Variants in WRNIP1 observed in about 807,000 individuals in gnomAD.
WRNIP1 encodes the protein ATPase WRNIP1.
Under a neutral mutation model 56.1 loss-of-function variants are expected in WRNIP1, and 41 were observed. The observed-to-expected ratio is 0.73, with a 90% CI of 0.57 to 0.95. WRNIP1 has a LOEUF of 0.95. Ranked by LOEUF, WRNIP1 falls within the 40% of genes least tolerant of loss-of-function variation. WRNIP1 has a pLI of 0.00. For missense variants in WRNIP1, 1,170 were observed against 939.4 expected (o/e 1.25, Z -3.21); for synonymous variants, 547 against 398.1 (o/e 1.37, Z -4.45).
At position 2,786,820 on chromosome 6, in the gene WRNIP1, A is replaced by T. The variant is rs1765726169; in HGVS notation, c.*1538A>T. On this transcript the variant is annotated 3_prime_UTR_variant, in exon 7 of 7. Coordinates refer to ENST00000380773, the MANE Select transcript of WRNIP1 (RefSeq NM_020135.3). Reference sequence around the variant, plus strand: ...TCTGTCTTTGCTCCCCGTGTTTTAAAAGTCTGCACTGGGTACTTGTTGGGC... The same window carrying T: ...TCTGTCTTTGCTCCCCGTGTTTTAATAGTCTGCACTGGGTACTTGTTGGGC... 6.6e-6 allele frequency: 1 copy of T among 152,186 alleles called. No individual in the cohort carries two copies. The highest frequency in any genetic ancestry group is 2.1e-4 in the South Asian group (1 of 4,828). The allele number at this position is 152,186 out of a possible 1,614,324, so 9.4% of individuals were successfully genotyped here.
chr6:2,784,511 C>T (rs577623080), intron 6 of WRNIP1, 108 bp downstream of exon 6: 266 of 1,120,756 alleles, frequency 2.4e-4, no homozygotes, highest in Non-Finnish European at 3.1e-4. Context: ...GTATTGGACC[C>T]ACTGAGTATG....
rs1028756259 is a variant in WRNIP1, at chr6:2,779,599, C to T, written c.1486+107C>T. On this transcript the variant is annotated intron_variant, in intron 4 of 6. Transcript: ENST00000380773. ...GGTTCCGGAAGCATTCCAGCTGGGT[C>T]CAGAGCATTCCAGTGATTCTCAGGT... The T allele has an allele frequency of 4.5e-6, 5 of 1,117,748 alleles. No homozygotes were observed. In the Admixed American group the frequency reaches 1.1e-4, roughly 24 times the overall value. The allele number at this position is 1,117,748 out of a possible 1,614,324, so 69.2% of individuals were successfully genotyped here.
Position 2,785,226 on chromosome 6 carries a change from GA to G in WRNIP1, c.1943del (p.Glu648GlyfsTer7). The G allele has an allele frequency of 4.3e-6, 7 of 1,614,194 alleles. No homozygotes were observed. The highest frequency in any genetic ancestry group is 5.9e-6 in the Non-Finnish European group (7 of 1,180,042). ...CATGTACAGCGAGCCTGTGGATCAG[GA>G]GTACCTGCCTGAAGAGTTGAGGGGG... ...NPMYSEPVDQ[E>X]YLPEELRGVD... On this transcript the variant is annotated frameshift_variant, in exon 7 of 7. Transcript: ENST00000380773. LOFTEE classifies it high-confidence loss of function.
intron 4 of WRNIP1, 89 bp from the exon 5 acceptor site, chr6:2,783,317 G>A: frequency 1.4e-6 from 2 of 1,404,088 alleles, no homozygotes; most frequent in Non-Finnish European, 1.9e-6. Context: ...TATTCGTTCA[G>A]GCTTTCTGGA....
intron 3 of WRNIP1, chr6:2,773,826 A>G (rs940336251): frequency 1.0e-6 from 1 of 972,368 alleles, no homozygotes; most frequent in African/African-American, 1.8e-5. Context: ...AGATCAAGAG[A>G]GTGAAATGAG....
chr6:2,766,245 C>A lies in WRNIP1; in HGVS notation c.623C>A (p.Pro208Gln), dbSNP rs1213394184. The change falls in exon 1 of 7, where the codon CCG (proline) becomes CAG (glutamine). Residue 208 changes from proline to glutamine, a missense_variant. By Grantham distance (76) the Pro-to-Gln change is moderately conservative. Coordinates refer to ENST00000380773, the MANE Select transcript of WRNIP1 (RefSeq NM_020135.3). ...TTCGGGGCCAGTGGCGGGGGCCGCCCGCACCCCCGGGCGCTGGCTGCCGAG... is the reference window on the plus strand; with the variant it reads ...TTCGGGGCCAGTGGCGGGGGCCGCCAGCACCCCCGGGCGCTGGCTGCCGAG... The part of the protein sequence containing the change: ...TAFGASGGGR[P>Q]HPRALAAEEI... 4.0e-6 allele frequency: 6 copies of A among 1,496,370 alleles called. No homozygotes were observed. The South Asian group carries it at 5.2e-5, about 13-fold the overall frequency. 92.7% of individuals were successfully genotyped at this position (1,496,370 alleles called of 1,614,324 possible). A position where few individuals can be genotyped will look rare whatever the true frequency, so the allele number is the denominator to read the frequency against.
Position 2,784,315 on chromosome 6 carries a change from G to C in WRNIP1, c.1643-9G>C. 4 of 1,612,652 alleles carry C rather than the reference G, an allele frequency of 2.5e-6. No individual in the cohort carries two copies. The South Asian group carries it at 3.3e-5, about 13-fold the overall frequency. ...GACTGAAACTCTCCTTTGTCTCTGT[G>C]TGTGGCAGGTCTGGCAGACCCGTCT... On this transcript the variant is annotated splice_polypyrimidine_tract_variant and intron_variant, in intron 5 of 6. Transcript: ENST00000380773.
At chr6:2,768,641 T>A in intron 1 of WRNIP1, 50 bp from the exon 2 acceptor site, 1 of 1,489,116 alleles carries the variant, frequency 6.7e-7, no homozygotes, top group Non-Finnish European at 9.0e-7. Context: ...GGTGCTGGTC[T>A]CTCTGTGTCT....
chr6:2,781,419 G>C (rs1273896589), intron 4 of WRNIP1, among the ~76,000 whole-genome samples: 1 of 152,244 alleles, frequency 6.6e-6, no homozygotes, highest in African/African-American at 2.4e-5. Flanking sequence ...ATATCATTCA[G>C]ATCTTGGAGA....
rs1765674312 is a variant in WRNIP1 at position 2,784,945 on chromosome 6, G to A, written c.1723-62G>A. 5.0e-6 allele frequency: 8 copies of A among 1,586,890 alleles called. No homozygotes were observed. In the South Asian group the frequency reaches 6.8e-5, roughly 13 times the overall value. ...TTACCTAGAGCTGTGTATCAGAAGGGGCTCTGCAGAACAGAAGCTTGGCAT... is the reference window on the plus strand; with the variant it reads ...TTACCTAGAGCTGTGTATCAGAAGGAGCTCTGCAGAACAGAAGCTTGGCAT... On this transcript the variant is annotated intron_variant, in intron 6 of 6. Transcript: ENST00000380773.
chr6:2,773,981 A>G (rs1765374542), intron 3 of WRNIP1: 9 of 985,206 alleles, frequency 9.1e-6, no homozygotes, highest in African/African-American at 3.5e-5. Flanking sequence ...AGCCCCTGAC[A>G]AGCTGGCCCC....
intron 1 of WRNIP1, among the ~76,000 whole-genome samples, chr6:2,766,839 C>T (rs1423956913): frequency 7.2e-6 from 1 of 139,164 alleles, no homozygotes; most frequent in Non-Finnish European, 1.5e-5. Context: ...TTTGTATATT[C>T]CGTTTGTACA....
rs1765622757 is a variant in WRNIP1 at position 2,783,492 on chromosome 6, A to G, written c.1573A>G (p.Met525Val). 3.1e-6 allele frequency: 5 copies of G among 1,613,960 alleles called. No homozygotes were observed. Among genetic ancestry groups the G allele is most frequent in the Non-Finnish European group, 3.4e-6 (4 of 1,179,970 alleles). ...QNASLYWLARMLEGGEDPLYV... is the reference protein window; with the variant it reads ...QNASLYWLARVLEGGEDPLYV... ...CGCCTCCCTCTACTGGCTGGCTCGCATGCTCGAGGGAGGAGAGGACCCACT... is the reference window on the plus strand; with the variant it reads ...CGCCTCCCTCTACTGGCTGGCTCGCGTGCTCGAGGGAGGAGAGGACCCACT... The change falls in exon 5 of 7, where the codon ATG becomes GTG. Residue 525 changes from methionine (M) to valine (V), a missense_variant. Coordinates refer to ENST00000380773, the MANE Select transcript of WRNIP1 (RefSeq NM_020135.3).
intron 3 of WRNIP1, chr6:2,773,820 C>G (rs1198159686): frequency 4.1e-6 from 4 of 969,028 alleles, no homozygotes; most frequent in Non-Finnish European, 4.9e-6. Context: ...CTTTGGAGAT[C>G]AAGAGAGTGA....
Position 2,765,516 on chromosome 6 carries a change from C to T in WRNIP1, c.-107C>T. On this transcript the variant is annotated 5_prime_UTR_variant, in exon 1 of 7. Coordinates refer to ENST00000380773, the MANE Select transcript of WRNIP1 (RefSeq NM_020135.3). The stretch of plus-strand genomic sequence containing the variant: ...GGCCCGCGAGCGTCCTGCTGGTTCC[C>T]CGAGCGAGGGTCTCGCGGCGCGGGG... The T allele has an allele frequency of 7.8e-7, 1 of 1,282,230 alleles. No individual in the cohort carries two copies. Among genetic ancestry groups the T allele is most frequent in the Non-Finnish European group, 9.8e-7 (1 of 1,015,318 alleles). 79.4% of individuals were successfully genotyped at this position (1,282,230 alleles called of 1,614,324 possible). A position where few individuals can be genotyped will look rare whatever the true frequency, so the allele number is the denominator to read the frequency against.
In WRNIP1 at chr6:2,765,663, A is replaced by C; in HGVS notation, c.41A>C (p.Gln14Pro). 1 of 1,550,078 alleles carries C rather than the reference A, an allele frequency of 6.5e-7. No individual in the cohort carries two copies. The highest frequency in any genetic ancestry group is 2.6e-5 in the East Asian group (1 of 38,676). ...SGPEDDPFLS[Q>P]LHQVQCPVCQ... ...CCGGAAGACGACCCCTTCCTTTCGC[A>C]GCTGCACCAGGTGCAGTGCCCCGTG... The change falls in exon 1 of 7, where the codon CAG becomes CCG. Residue 14 changes from glutamine to proline, a missense_variant. Transcript: ENST00000380773.
intron 5 of WRNIP1, among the ~76,000 whole-genome samples, chr6:2,783,898 C>A (rs559227002): frequency 6.6e-6 from 1 of 152,024 alleles, no homozygotes; most frequent in African/African-American, 2.4e-5. Flanking sequence ...GTCAGGTGTT[C>A]AAGGTTTTCT....
In WRNIP1 at chr6:2,765,907, G is replaced by C; in HGVS notation, c.285G>C (p.Glu95Asp). 6.9e-7 allele frequency: 1 copy of C among 1,455,084 alleles called. No homozygotes were observed. The highest frequency in any genetic ancestry group is 9.1e-7 in the Non-Finnish European group (1 of 1,104,836). The allele number at this position is 1,455,084 out of a possible 1,614,324, so 90.1% of individuals were successfully genotyped here. ...CGGCAGCCGAGAGCAGCGAGGGCGA[G>C]GGTGAGGAGGGCGACGACGGCGGCG... ...TPTAAESSEG[E>D]GEEGDDGGET... The change falls in exon 1 of 7, where the codon GAG becomes GAC. Residue 95 changes from glutamate (E) to aspartate (D), a missense_variant. By Grantham distance (45) the Glu-to-Asp change is conservative. Transcript: ENST00000380773.
At chr6:2,770,512 A>C in intron 3 of WRNIP1, 151 bp downstream of exon 3, 1 of 1,164,948 alleles carries the variant, frequency 8.6e-7, no homozygotes, top group Non-Finnish European at 1.2e-6. Flanking sequence ...GAGGAGGGAA[A>C]TGTTCGATTA....
Sources: gnomAD v4.1 joint callset for allele counts (sites outside exome capture counted in the v4.1 genomes callset) on GRCh38, gnomAD v4.1.1 for gene constraint, MANE v1.5 for transcripts, NCBI Gene and HGNC (gene_info 2026-07-23, HGNC 2026-07-21) for gene names.